Variants in BMPR1B observed in about 807,000 individuals in gnomAD.
The protein encoded by BMPR1B is bone morphogenetic protein receptor type 1B.
A neutral mutation model predicts 59.1 loss-of-function variants in BMPR1B; 12 were observed. The observed-to-expected ratio is 0.20, with a 90% confidence interval of 0.13 to 0.33. The LOEUF is 0.33. Among genes scored for constraint, BMPR1B ranks in the 10% least tolerant of loss-of-function variants. The pLI, the probability that BMPR1B is intolerant of heterozygous loss-of-function variation, is 1.00. For synonymous variants in BMPR1B, 237 were observed against 207.3 expected (o/e 1.14, Z -1.23); for missense variants, 550 against 610.9 (o/e 0.90, Z 1.05).
intron 2 of BMPR1B, among the ~76,000 whole-genome samples, chr4:94,921,554 ACT>A (rs1375168926): frequency 6.6e-6 from 1 of 151,816 alleles, no homozygotes; most frequent in Non-Finnish European, 1.5e-5. Flanking sequence ...GGGGGGAGGT[ACT>A]CCACACTTTT....
intron 3 of BMPR1B, among the ~76,000 whole-genome samples, chr4:95,055,243 C>G (rs1407672342): frequency 6.6e-6 from 1 of 151,986 alleles, no homozygotes; most frequent in Non-Finnish European, 1.5e-5. Flanking sequence ...TTATGTCTGG[C>G]CTAGTTGACA....
chr4:95,015,912 T>C (rs1264762910), intron 3 of BMPR1B, among the ~76,000 whole-genome samples: 1 of 152,190 alleles, frequency 6.6e-6, no homozygotes, highest in African/African-American at 2.4e-5. Flanking sequence ...AGTATGGTCT[T>C]GATCTCTTGA....
intron 1 of BMPR1B, among the ~76,000 whole-genome samples, chr4:94,812,629 A>G (rs1723861674): frequency 6.6e-6 from 1 of 152,192 alleles, no homozygotes. Flanking sequence ...TAACCCTGTT[A>G]GCCCTGCAAA....
At chr4:94,792,305 C>G (rs1162657523) in intron 1 of BMPR1B, among the ~76,000 whole-genome samples, 1 of 151,990 alleles carries the variant, frequency 6.6e-6, no homozygotes, top group East Asian at 1.9e-4. Context: ...CTGTTTGTCC[C>G]TTCTCTAAGT....
chr4:95,109,955 T>G (rs924186281), intron 4 of BMPR1B, among the ~76,000 whole-genome samples: 7 of 148,872 alleles, frequency 4.7e-5, no homozygotes, highest in African/African-American at 9.9e-5. Context: ...GTGAGAACAT[T>G]CAGTTATAAG....
chr4:94,936,092 C>G (rs1729284808), intron 2 of BMPR1B, among the ~76,000 whole-genome samples: 1 of 152,096 alleles, frequency 6.6e-6, no homozygotes, highest in Non-Finnish European at 1.5e-5. Flanking sequence ...AAGAGTGCTT[C>G]TATTGGAACA....
At chr4:95,149,711 A>G (rs908291338) in intron 11 of BMPR1B, among the ~76,000 whole-genome samples, 6 of 152,196 alleles carry the variant, frequency 3.9e-5, no homozygotes, top group Non-Finnish European at 8.8e-5. Flanking sequence ...GCTGTTCCTC[A>G]TAATGGCCAA....
chr4:95,130,616 T>A (rs997067154), intron 9 of BMPR1B, among the ~76,000 whole-genome samples: 7 of 151,798 alleles, frequency 4.6e-5, no homozygotes, highest in Admixed American at 3.3e-4. Context: ...TGTAATACCA[T>A]AAAGTAGTTT....
intron 1 of BMPR1B, among the ~76,000 whole-genome samples, chr4:94,790,771 C>T (rs1722952649): frequency 6.6e-6 from 1 of 152,098 alleles, no homozygotes; most frequent in South Asian, 2.1e-4. Flanking sequence ...TTTTTGGTAA[C>T]TTTTAAATGA....
intron 2 of BMPR1B, among the ~76,000 whole-genome samples, chr4:94,882,638 G>T (rs778584642): frequency 2.0e-5 from 3 of 152,174 alleles, no homozygotes; most frequent in Non-Finnish European, 4.4e-5. Flanking sequence ...GGTTAATCCA[G>T]CTAGAATTGG....
chr4:94,986,768 G>A (rs577459022), intron 2 of BMPR1B, among the ~76,000 whole-genome samples: 108 of 152,004 alleles, frequency 7.1e-4, no homozygotes, highest in Non-Finnish European at 1.1e-3. Context: ...TGGTCCGGGC[G>A]CAGTGGCTCA....
intron 1 of BMPR1B, among the ~76,000 whole-genome samples, chr4:94,814,790 T>A (rs1446873811): frequency 6.6e-6 from 1 of 152,212 alleles, no homozygotes; most frequent in South Asian, 2.1e-4. Flanking sequence ...CTATGTTTTT[T>A]GCACAGGATA....
At chr4:95,126,317 A>C (rs1414484654) in intron 8 of BMPR1B, among the ~76,000 whole-genome samples, 1 of 152,162 alleles carries the variant, frequency 6.6e-6, no homozygotes, top group Non-Finnish European at 1.5e-5. Flanking sequence ...TTCAGCTCCT[A>C]CTTTTAATAG....
At chr4:95,024,160 G>A (rs1213450764) in intron 3 of BMPR1B, among the ~76,000 whole-genome samples, 1 of 152,082 alleles carries the variant, frequency 6.6e-6, no homozygotes, top group Admixed American at 6.6e-5. Context: ...CTTGAATAAG[G>A]GTGATTCTAT....
chr4:95,053,928 C>T (rs577432609), intron 3 of BMPR1B, among the ~76,000 whole-genome samples: 2 of 152,266 alleles, frequency 1.3e-5, no homozygotes, highest in South Asian at 2.1e-4. Context: ...CAACATCTAA[C>T]ATCCTTTACA....
intron 1 of BMPR1B, among the ~76,000 whole-genome samples, chr4:94,788,691 G>A (rs1014289313): frequency 3.3e-5 from 5 of 152,168 alleles, no homozygotes; most frequent in African/African-American, 1.2e-4. Context: ...ATGAAGAACT[G>A]GACTTGTACC....
chr4:94,766,402 CCTGT>C (rs1160033802), intron 1 of BMPR1B, among the ~76,000 whole-genome samples: 1 of 143,832 alleles, frequency 7.0e-6, no homozygotes, highest in Non-Finnish European at 1.5e-5. Context: ...GAAACCGGCT[CCTGT>C]CTTTTTTTTT....
chr4:95,104,328 TA>T, intron 3 of BMPR1B, 79 bp from the exon 4 acceptor site: 1 of 1,451,506 alleles, frequency 6.9e-7, no homozygotes, highest in Non-Finnish European at 9.5e-7. Context: ...TTTTAAAATG[TA>T]ATCTCATGTT....
At chr4:94,951,807 G>A (rs772406066) in intron 2 of BMPR1B, among the ~76,000 whole-genome samples, 3 of 152,054 alleles carry the variant, frequency 2.0e-5, no homozygotes, top group Non-Finnish European at 4.4e-5. Flanking sequence ...CTTTTTCTTT[G>A]TTTGGAATAG....
Sources: gnomAD v4.1 joint callset for allele counts (sites outside exome capture counted in the v4.1 genomes callset) on GRCh38, gnomAD v4.1.1 for gene constraint, MANE v1.5 for transcripts, NCBI Gene and HGNC (gene_info 2026-07-23, HGNC 2026-07-21) for gene names.